The following DGKK variants were observed in gnomAD, a reference collection of about 807,000 sequenced individuals.
The protein encoded by DGKK is 142 kDa diacylglycerol kinase.
A neutral mutation model predicts 92.2 loss-of-function variants in DGKK; 35 were observed. The observed-to-expected ratio is 0.38, with a 90% confidence interval of 0.29 to 0.50. The LOEUF (loss-of-function observed/expected upper bound fraction) is 0.50. Among genes scored for constraint, DGKK ranks in the 20% least tolerant of loss-of-function variants. The pLI, the probability that DGKK is intolerant of heterozygous loss-of-function variation, is 0.92. For missense variants in DGKK, 910 were observed against 992.2 expected, an observed-to-expected ratio of 0.92 and a Z score of 1.11; for synonymous variants, 368 against 360.6, an observed-to-expected ratio of 1.02 and a Z score of -0.23.
intron 1 of DGKK, among the ~76,000 whole-genome samples, chrX:50,468,230 C>T (rs1926959947): frequency 1.8e-5 from 2 of 112,072 alleles, no homozygotes; most frequent in African/African-American, 6.5e-5. Flanking sequence ...GGGTCCTGGT[C>T]GCCAGTCAGC....
At chrX:50,434,109 A>C (rs1557230555) in intron 1 of DGKK, among the ~76,000 whole-genome samples, 1 of 110,636 alleles carries the variant, frequency 9.0e-6, no homozygotes, top group Admixed American at 9.5e-5. Flanking sequence ...CTGGGCTCCC[A>C]CCACCAAGAA....
At chrX:50,466,026 T>C (rs1024813348) in intron 1 of DGKK, among the ~76,000 whole-genome samples, 4 of 89,622 alleles carry the variant, frequency 4.5e-5, no homozygotes, top group Admixed American at 2.5e-4. Flanking sequence ...TCTTTTTTTT[T>C]TTTTTTTTTT....
intron 1 of DGKK, among the ~76,000 whole-genome samples, chrX:50,464,181 G>T (rs1602308781): frequency 9.9e-6 from 1 of 101,519 alleles, no homozygotes; most frequent in African/African-American, 3.6e-5. Context: ...GAAAATTAAT[G>T]GGTCTTTGTG....
At chrX:50,396,673 G>T (rs1304727236) in intron 8 of DGKK, among the ~76,000 whole-genome samples, 2 of 106,230 alleles carry the variant, frequency 1.9e-5, no homozygotes, top group Non-Finnish European at 4.0e-5. Context: ...AGACTACAGG[G>T]GCAGCTCCAT....
At position 50,403,611 on chromosome X, in the gene DGKK, A is replaced by T. The variant is rs1925068728; in HGVS notation, c.1079-14T>A. ...TCACTTTGCACACTGTGAGAAGAGGAAGAGAAAAGATGGGTGTGAATCTGG... is the reference window on the plus strand; with the variant it reads ...TCACTTTGCACACTGTGAGAAGAGGTAGAGAAAAGATGGGTGTGAATCTGG... On this transcript the variant is annotated splice_polypyrimidine_tract_variant and intron_variant, in intron 5 of 27. Coordinates refer to ENST00000611977, the MANE Select transcript of DGKK (RefSeq NM_001013742.4). The T allele has an allele frequency of 8.6e-7, 1 of 1,162,183 alleles. No homozygotes were observed. The highest frequency in any genetic ancestry group is 1.2e-6 in the Non-Finnish European group (1 of 852,319).
In DGKK at chrX:50,368,856, A is replaced by G; in HGVS notation, c.*84T>C. On this transcript the variant is annotated 3_prime_UTR_variant, in exon 28 of 28. Transcript: ENST00000611977. The stretch of plus-strand genomic sequence containing the variant: ...TGGTGGTGCTCATGTTTGTTCTGAA[A>G]TGATTTAGTCTAGCCTGTATTGAGG... 1.3e-6 allele frequency: 1 copy of G among 796,893 alleles called. No homozygotes were observed. The allele number at this position is 796,893 out of a possible 1,213,427, so 65.7% of individuals were successfully genotyped here.
At position 50,424,295 on chromosome X, in the gene DGKK, A is replaced by G; in HGVS notation, c.709T>C (p.Tyr237His). 8.3e-7 allele frequency: 1 copy of G among 1,211,309 alleles called. No homozygotes were observed. Among genetic ancestry groups the G allele is most frequent in the Non-Finnish European group, 1.1e-6 (1 of 895,114 alleles). ...CNSFKRWKLR[Y>H]FLVQGQKLYF... is the part of the protein sequence containing the mutation. The stretch of plus-strand genomic sequence containing the variant: ...AGCTTCTGTCCTTGAACCAGAAAAT[A>G]TCTAAGCTTCCATCTCTTGAAAGAG... The change falls in exon 2 of 28, where the codon TAT (tyrosine) becomes CAT (histidine). Residue 237 changes from tyrosine (Y) to histidine (H), a missense_variant. Coordinates refer to ENST00000611977, the MANE Select transcript of DGKK (RefSeq NM_001013742.4).
At chrX:50,398,816 G>C (rs1557226331) in intron 8 of DGKK, among the ~76,000 whole-genome samples, 1 of 111,778 alleles carries the variant, frequency 8.9e-6, no homozygotes. Context: ...AGACATCTTT[G>C]TCAGGTCCCT....
intron 2 of DGKK, among the ~76,000 whole-genome samples, chrX:50,423,539 T>C (rs1200881415): frequency 1.8e-5 from 2 of 111,918 alleles, no homozygotes; most frequent in African/African-American, 6.5e-5. Flanking sequence ...CTGCTAAAAA[T>C]GATGACATGG....
intron 1 of DGKK, among the ~76,000 whole-genome samples, chrX:50,436,386 A>T: frequency 8.9e-6 from 1 of 112,129 alleles, no homozygotes; most frequent in Admixed American, 9.4e-5. Context: ...TTAATAAATG[A>T]CAGAGCTAAA....
At position 50,366,872 on chromosome X, in the gene DGKK, C is replaced by T. The variant is rs1923986237; in HGVS notation, c.*2068G>A. 8.9e-6 allele frequency: 1 copy of T among 112,387 alleles called. No homozygotes were observed. Among genetic ancestry groups the T allele is most frequent in the Admixed American group, 9.4e-5 (1 of 10,624 alleles). The allele number at this position is 112,387 out of a possible 1,213,427, so 9.3% of individuals were successfully genotyped here. ...CTAATAACAGAGAAAGTCAAAGACA[C>T]AACAACAGCACACTCACTACTCAAA... On this transcript the variant is annotated 3_prime_UTR_variant, in exon 28 of 28. Coordinates refer to ENST00000611977, the MANE Select transcript of DGKK (RefSeq NM_001013742.4).
chrX:50,374,125 C>G (rs977163168), intron 25 of DGKK, among the ~76,000 whole-genome samples: 9 of 111,976 alleles, frequency 8.0e-5, no homozygotes, highest in African/African-American at 2.9e-4. Context: ...ACCTAATCCC[C>G]AGTACATCAG....
intron 1 of DGKK, among the ~76,000 whole-genome samples, chrX:50,443,502 CTA>C (rs199738737): frequency 0.022 from 2,460 of 110,892 alleles, 61 homozygotes; most frequent in African/African-American, 0.075. Flanking sequence ...TAAAAAAACA[CTA>C]TTGCTATTTT....
intron 12 of DGKK, 90 bp from the exon 13 acceptor site, chrX:50,388,708 T>C: frequency 1.7e-6 from 1 of 602,959 alleles, no homozygotes; most frequent in Non-Finnish European, 2.6e-6. Context: ...TCATTGTTTC[T>C]TACTGACTCT....
intron 26 of DGKK, among the ~76,000 whole-genome samples, chrX:50,371,163 T>C (rs1203513685): frequency 5.3e-5 from 6 of 112,657 alleles, no homozygotes; most frequent in African/African-American, 1.9e-4. Context: ...TGCTAAAGTA[T>C]GCTTGTTTTA....
chrX:50,457,386 T>C (rs7889880), intron 1 of DGKK, among the ~76,000 whole-genome samples: 50,269 of 110,004 alleles, frequency 0.46, 10,063 homozygotes, highest in African/African-American at 0.78. Context: ...CCTTCGACCA[T>C]CAAAGGCAGC....
At chrX:50,460,060 T>C (rs1176130536) in intron 1 of DGKK, among the ~76,000 whole-genome samples, 1 of 112,024 alleles carries the variant, frequency 8.9e-6, no homozygotes, top group Non-Finnish European at 1.9e-5. Flanking sequence ...ACCAAGTTTA[T>C]TATAAAATGG....
intron 1 of DGKK, among the ~76,000 whole-genome samples, chrX:50,446,755 G>T (rs1222322601): frequency 9.0e-6 from 1 of 111,060 alleles, no homozygotes; most frequent in African/African-American, 3.3e-5. Context: ...AATTCTTACT[G>T]TTCTGGCTCA....
chrX:50,379,660 A>G lies in DGKK; in HGVS notation c.2829T>C (p.Gly943=). ...CTGTGTTGCTTCCCCAGAAGTTGAT[A>G]CCTCCAGCATAGCTGGTAATGTTGA... ...VVLNITSYAG[G]INFWGSNTAT... is the part of the protein sequence containing the mutation. Residue 943 remains glycine, a synonymous_variant, in exon 20 of 28, where the codon GGT becomes GGC. Transcript: ENST00000611977. The G allele has an allele frequency of 8.3e-7, 1 of 1,210,881 alleles. No individual in the cohort carries two copies. The highest frequency in any genetic ancestry group is 1.7e-5 in the African/African-American group (1 of 57,702).
Sources: gnomAD v4.1 joint callset for allele counts (sites outside exome capture counted in the v4.1 genomes callset) on GRCh38, gnomAD v4.1.1 for gene constraint, MANE v1.5 for transcripts, NCBI Gene and HGNC (gene_info 2026-07-23, HGNC 2026-07-21) for gene names.